SLC9A9: variants seen among roughly 807,000 people sequenced by gnomAD.
SLC9A9 encodes sodium/hydrogen exchanger 9.
Under a neutral mutation model 77.8 loss-of-function variants are expected in SLC9A9, and 62 were observed. The observed-to-expected ratio is 0.80, with a 90% CI of 0.65 to 0.98. The LOEUF (loss-of-function observed/expected upper bound fraction) is 0.98, where lower values mean the gene tolerates loss of function less well. Ranked by LOEUF, SLC9A9 falls within the 50% of genes least tolerant of loss-of-function variation. SLC9A9 has a pLI of 0.00. For synonymous variants in SLC9A9, 320 were observed against 283.5 expected (o/e 1.13, Z -1.29); for missense variants, 775 against 774.9 (o/e 1.00, Z 0.00).
chr3:143,807,555 G>C (rs1449766300), intron 2 of SLC9A9, among the ~76,000 whole-genome samples: 1 of 152,036 alleles, frequency 6.6e-6, no homozygotes, highest in Non-Finnish European at 1.5e-5. Context: ...TCAGAGCCAA[G>C]CTTCCTGGGT....
At chr3:143,548,685 C>T (rs967831841) in intron 9 of SLC9A9, among the ~76,000 whole-genome samples, 4 of 152,062 alleles carry the variant, frequency 2.6e-5, no homozygotes, top group African/African-American at 7.2e-5. Flanking sequence ...TAACACATAG[C>T]GATGTTACAT....
At chr3:143,285,524 C>A (rs915853056) in intron 14 of SLC9A9, among the ~76,000 whole-genome samples, 1 of 152,154 alleles carries the variant, frequency 6.6e-6, no homozygotes, top group East Asian at 1.9e-4. Context: ...GTCTAACATG[C>A]CCCCTCTTTA....
chr3:143,688,081 CT>C (rs991210807), intron 5 of SLC9A9, among the ~76,000 whole-genome samples: 4 of 148,300 alleles, frequency 2.7e-5, no homozygotes, highest in African/African-American at 9.9e-5. Context: ...TTCTTTATTT[CT>C]TTTTCTTTCT....
At chr3:143,593,127 C>T (rs1438174709) in intron 6 of SLC9A9, among the ~76,000 whole-genome samples, 1 of 152,080 alleles carries the variant, frequency 6.6e-6, no homozygotes, top group African/African-American at 2.4e-5. Context: ...GAGAACTGTG[C>T]ATACGGTTCA....
intron 6 of SLC9A9, among the ~76,000 whole-genome samples, chr3:143,621,303 G>A (rs565846221): frequency 4.6e-5 from 7 of 152,304 alleles, no homozygotes; most frequent in African/African-American, 9.6e-5. Flanking sequence ...ATCTGAGAAC[G>A]GACAGACTGC....
intron 14 of SLC9A9, among the ~76,000 whole-genome samples, chr3:143,328,849 C>T (rs1035357920): frequency 2.0e-5 from 3 of 152,186 alleles, no homozygotes; most frequent in East Asian, 3.8e-4. Context: ...TCATTCCTCT[C>T]TAATAACACT....
intron 4 of SLC9A9, among the ~76,000 whole-genome samples, chr3:143,750,081 G>C (rs1295019206): frequency 6.6e-6 from 1 of 152,170 alleles, no homozygotes; most frequent in Non-Finnish European, 1.5e-5. Context: ...CAGAGAAAGA[G>C]ACAGAGAGAA....
chr3:143,485,035 A>G (rs532646960), intron 11 of SLC9A9, among the ~76,000 whole-genome samples: 35 of 152,298 alleles, frequency 2.3e-4, no homozygotes, highest in South Asian at 4.1e-4. Flanking sequence ...TTGGGAAGTA[A>G]TTGTGGTTTA....
chr3:143,817,293 C>T (rs1007487087), intron 2 of SLC9A9, among the ~76,000 whole-genome samples: 13 of 150,898 alleles, frequency 8.6e-5, no homozygotes, highest in East Asian at 5.8e-4. Flanking sequence ...GGACTACAGG[C>T]GCCCGCCACC....
chr3:143,356,466 T>C (rs2032588063), intron 14 of SLC9A9, among the ~76,000 whole-genome samples: 1 of 152,194 alleles, frequency 6.6e-6, no homozygotes, highest in Non-Finnish European at 1.5e-5. Flanking sequence ...TCCCCTGTGT[T>C]GATTCCTACC....
At chr3:143,520,461 T>C (rs1460448342) in intron 9 of SLC9A9, among the ~76,000 whole-genome samples, 4 of 152,180 alleles carry the variant, frequency 2.6e-5, no homozygotes, top group African/African-American at 7.2e-5. Context: ...AGTATAGAAA[T>C]GTAAGACATA....
rs576041410 is a variant in SLC9A9 at position 143,603,139 on chromosome 3, A to G, written c.756-24416T>C. 2.6e-5 allele frequency among the ~76,000 whole-genome samples: 4 copies of G among 152,374 alleles called. No individual in the cohort carries two copies. The South Asian group carries it at 6.2e-4, about 24-fold the overall frequency. ...TTGTCTCCTGGGATTGGAATTATAT[A>G]CATTTCTCACTGATCAATAACATAA... On this transcript the variant is annotated intron_variant, in intron 6 of 15. Coordinates refer to ENST00000316549, the MANE Select transcript of SLC9A9 (RefSeq NM_173653.4).
chr3:143,575,748 A>AT (rs964886587), intron 7 of SLC9A9, among the ~76,000 whole-genome samples: 1 of 152,146 alleles, frequency 6.6e-6, no homozygotes, highest in African/African-American at 2.4e-5. Flanking sequence ...GCTATCTAAC[A>AT]TTCTTTTCTT....
chr3:143,567,151 T>C (rs1341416795), intron 8 of SLC9A9, among the ~76,000 whole-genome samples: 3 of 152,126 alleles, frequency 2.0e-5, no homozygotes, highest in African/African-American at 7.2e-5. Context: ...CTTAGGGTCA[T>C]GTATTTACCC....
chr3:143,313,258 G>A (rs1267625892), intron 14 of SLC9A9: 1 of 152,224 alleles, frequency 6.6e-6, no homozygotes, highest in Non-Finnish European at 1.5e-5. Flanking sequence ...TTCTAAAGCT[G>A]TGCTCAGACA....
chr3:143,757,496 C>T (rs944118809), intron 4 of SLC9A9, among the ~76,000 whole-genome samples: 23 of 152,158 alleles, frequency 1.5e-4, no homozygotes, highest in African/African-American at 5.6e-4. Flanking sequence ...ATTTTTGCAA[C>T]AGTGGAACTA....
At chr3:143,324,097 G>C (rs944784324) in intron 14 of SLC9A9, among the ~76,000 whole-genome samples, 1 of 151,936 alleles carries the variant, frequency 6.6e-6, no homozygotes, top group Non-Finnish European at 1.5e-5. Context: ...GCTGCTTTTC[G>C]CTATTATCAG....
chr3:143,462,949 T>G (rs1559927179), intron 12 of SLC9A9, among the ~76,000 whole-genome samples: 1 of 152,194 alleles, frequency 6.6e-6, no homozygotes, highest in Non-Finnish European at 1.5e-5. Context: ...ACGGTGGCAG[T>G]TGTCAACCAC....
At chr3:143,703,451 T>A (rs1933863593) in intron 4 of SLC9A9, among the ~76,000 whole-genome samples, 1 of 151,910 alleles carries the variant, frequency 6.6e-6, no homozygotes, top group Non-Finnish European at 1.5e-5. Flanking sequence ...AATTAAGCAA[T>A]ATGCTCCTAA....
Sources: allele counts gnomAD v4.1 joint callset (sites outside exome capture counted in the v4.1 genomes callset), GRCh38; gene constraint gnomAD v4.1.1; transcripts MANE v1.5; gene names NCBI Gene and HGNC (gene_info 2026-07-23, HGNC 2026-07-21).